The following MPDZ variants were observed in gnomAD, a reference collection of about 807,000 sequenced individuals.
MPDZ encodes multiple PDZ domain protein.
In MPDZ, 234 loss-of-function variants were observed where a neutral mutation model predicts 239.1. The observed-to-expected ratio is 0.98, with a 90% CI of 0.88 to 1.09. The LOEUF (loss-of-function observed/expected upper bound fraction) is 1.09, where lower values mean the gene tolerates loss of function less well. MPDZ is among the 50% of genes least tolerant of loss of function. The pLI is 0.00. For missense variants in MPDZ, 3,175 were observed against 2,510.0 expected, an observed-to-expected ratio of 1.26 and a Z score of -5.66; for synonymous variants, 1,048 against 881.3, an observed-to-expected ratio of 1.19 and a Z score of -3.35.
At chr9:13,159,195 C>G (rs1950179182) in intron 23 of MPDZ, among the ~76,000 whole-genome samples, 1 of 152,146 alleles carries the variant, frequency 6.6e-6, no homozygotes, top group Non-Finnish European at 1.5e-5. Context: ...ACATTTCTGG[C>G]AAGCAAATGT....
At position 13,124,847 on chromosome 9, in the gene MPDZ, G is replaced by T. The variant is rs1489614467; in HGVS notation, c.4807+369C>A. 3.3e-5 allele frequency among the ~76,000 whole-genome samples: 5 copies of T among 152,094 alleles called. No homozygotes were observed. The East Asian group carries it at 7.7e-4, about 23-fold the overall frequency. ...AAATTACTTTCCCAGCTTAAAAAAA[G>T]AATCTACGAAATGATATTTCTAATT... On this transcript the variant is annotated intron_variant, in intron 35 of 46. Transcript: ENST00000319217.
At chr9:13,244,696 T>G (rs1966193199) in intron 3 of MPDZ, among the ~76,000 whole-genome samples, 1 of 151,948 alleles carries the variant, frequency 6.6e-6, no homozygotes, top group African/African-American at 2.4e-5. Flanking sequence ...AGGGAAACAG[T>G]TTGATTTCTA....
intron 10 of MPDZ, among the ~76,000 whole-genome samples, chr9:13,216,258 C>T (rs551660565): frequency 5.3e-5 from 8 of 150,218 alleles, no homozygotes; most frequent in African/African-American, 1.2e-4. Context: ...GATGTTACAA[C>T]GATAACAATG....
chr9:13,197,508 G>C (rs969740193), intron 12 of MPDZ, among the ~76,000 whole-genome samples: 3 of 151,664 alleles, frequency 2.0e-5, no homozygotes, highest in African/African-American at 7.3e-5. Context: ...ATATTTATAG[G>C]GTATATGTGA....
At chr9:13,176,096 A>G in intron 20 of MPDZ, 40 bp downstream of exon 20, 1 of 1,515,398 alleles carries the variant, frequency 6.6e-7, no homozygotes, top group South Asian at 1.3e-5. Context: ...ACTATTCCCT[A>G]TCTCATCATA....
Position 13,196,188 on chromosome 9 carries a change from G to A in MPDZ, c.1589C>T (p.Ala530Val). The change falls in exon 13 of 47, where the codon GCA (alanine) becomes GTA (valine). Residue 530 changes from alanine (A) to valine (V), a missense_variant. Physicochemically the swap from Ala to Val is moderately conservative, Grantham distance 64. Transcript: ENST00000319217. ...LSAEIEEIEDAQKQEAALLTK... is the reference protein window; with the variant it reads ...LSAEIEEIEDVQKQEAALLTK... ...CAGCAGAGCAGCTTCTTGTTTTTGTGCATCTTCTATTTCTTCTATCTCAGC... is the reference window on the plus strand; with the variant it reads ...CAGCAGAGCAGCTTCTTGTTTTTGTACATCTTCTATTTCTTCTATCTCAGC... The A allele has an allele frequency of 6.2e-7, 1 of 1,601,764 alleles. No homozygotes were observed. Among genetic ancestry groups the A allele is most frequent in the Non-Finnish European group, 8.5e-7 (1 of 1,173,154 alleles).
intron 1 of MPDZ, among the ~76,000 whole-genome samples, chr9:13,253,557 C>T (rs1968658616): frequency 1.3e-5 from 2 of 152,184 alleles, no homozygotes; most frequent in Admixed American, 6.5e-5. Flanking sequence ...TTTCACCACA[C>T]TACCATTTCC....
At chr9:13,126,179 A>T (rs1945086726) in intron 34 of MPDZ, among the ~76,000 whole-genome samples, 1 of 152,258 alleles carries the variant, frequency 6.6e-6, no homozygotes, top group Admixed American at 6.5e-5. Flanking sequence ...AGTAGTATAC[A>T]CAATGGATAT....
chr9:13,241,791 A>G (rs1965463424), intron 3 of MPDZ, among the ~76,000 whole-genome samples: 2 of 152,216 alleles, frequency 1.3e-5, no homozygotes, highest in African/African-American at 4.8e-5. Flanking sequence ...TAAAAGCAAC[A>G]TACCTCAACA....
Position 13,204,072 on chromosome 9 carries a change from C to A in MPDZ, c.1546+964G>T, listed in dbSNP as rs537900022. On this transcript the variant is annotated intron_variant, in intron 12 of 46. Coordinates refer to ENST00000319217, the MANE Select transcript of MPDZ (RefSeq NM_001378778.1). Reference sequence around the variant, plus strand: ...TCCCTTTAAAATTGTAAAGCTCATTCAAAATTTTCAGCAGAAAATCCAATA... The same window carrying A: ...TCCCTTTAAAATTGTAAAGCTCATTAAAAATTTTCAGCAGAAAATCCAATA... 2.6e-3 allele frequency among the ~76,000 whole-genome samples: 388 copies of A among 152,094 alleles called. 3 individuals are homozygous for A. Among genetic ancestry groups the A allele is most frequent in the African/African-American group, 8.5e-3 (353 of 41,498 alleles).
In MPDZ at chr9:13,196,222, A is replaced by G; in HGVS notation, c.1555T>C (p.Leu519=). ...ATTTCTTCTATCTCAGCTGACAGTA[A>G]TGGATACCCTGAAACAGTCAAGGCA... is the stretch of plus-strand genomic sequence containing the variant. ...ILPTEEEGYP[L]LSAEIEEIED... is the part of the protein sequence containing the mutation. The change falls in exon 13 of 47, where the codon TTA becomes CTA. Residue 519 remains leucine (L), a synonymous_variant. Coordinates refer to ENST00000319217, the MANE Select transcript of MPDZ (RefSeq NM_001378778.1). The G allele has an allele frequency of 6.3e-7, 1 of 1,586,340 alleles. No homozygotes were observed. The highest frequency in any genetic ancestry group is 8.6e-7 in the Non-Finnish European group (1 of 1,163,840).
chr9:13,197,666 C>T (rs893386886), intron 12 of MPDZ, among the ~76,000 whole-genome samples: 8 of 151,982 alleles, frequency 5.3e-5, no homozygotes, highest in African/African-American at 1.9e-4. Flanking sequence ...TTATTATTGT[C>T]ACCCTACTGT....
chr9:13,137,189 A>G (rs1946949456), intron 29 of MPDZ, among the ~76,000 whole-genome samples: 4 of 152,084 alleles, frequency 2.6e-5, no homozygotes, highest in Admixed American at 2.6e-4. Context: ...CCTTACTGTC[A>G]TATTTCCCAC....
chr9:13,232,913 T>C (rs929622951), intron 3 of MPDZ, among the ~76,000 whole-genome samples: 2 of 144,140 alleles, frequency 1.4e-5, no homozygotes, highest in African/African-American at 5.1e-5. Context: ...GATATCCAAA[T>C]GACCAATCCC....
At chr9:13,212,988 A>G (rs1395433267) in intron 10 of MPDZ, among the ~76,000 whole-genome samples, 1 of 152,016 alleles carries the variant, frequency 6.6e-6, no homozygotes, top group East Asian at 1.9e-4. Context: ...GAGAACTTCA[A>G]TCTATGAACA....
intron 3 of MPDZ, among the ~76,000 whole-genome samples, chr9:13,237,231 C>T (rs1360749074): frequency 1.3e-5 from 2 of 151,596 alleles, no homozygotes; most frequent in East Asian, 3.9e-4. Flanking sequence ...TTGCTTGAGT[C>T]CAGGAGTTCG....
chr9:13,274,099 C>T (rs953448528), intron 1 of MPDZ, among the ~76,000 whole-genome samples: 5 of 152,080 alleles, frequency 3.3e-5, no homozygotes, highest in African/African-American at 1.2e-4. Context: ...GGAGTGGTAT[C>T]TGGGTGATCT....
intron 1 of MPDZ, among the ~76,000 whole-genome samples, chr9:13,260,663 G>A (rs1048516457): frequency 2.8e-4 from 42 of 152,076 alleles, no homozygotes; most frequent in Non-Finnish European, 5.3e-4. Flanking sequence ...AGAATTGGTG[G>A]TCTTCTAGAA....
chr9:13,139,219 C>G (rs1947290785), intron 28 of MPDZ, among the ~76,000 whole-genome samples: 1 of 152,210 alleles, frequency 6.6e-6, no homozygotes. Context: ...CTTTTATGTT[C>G]TGTACTTCCT....
Sources: allele counts gnomAD v4.1 joint callset (sites outside exome capture counted in the v4.1 genomes callset), GRCh38; gene constraint gnomAD v4.1.1; transcripts MANE v1.5; gene names NCBI Gene and HGNC (gene_info 2026-07-23, HGNC 2026-07-21).